RNF14: variants seen among roughly 807,000 people sequenced by gnomAD.
RNF14 encodes E3 ubiquitin-protein ligase RNF14.
RNF14 carries 26 observed loss-of-function variants against 52.6 expected under a neutral mutation model. That is an observed-to-expected ratio of 0.49 (90% confidence interval 0.36 to 0.69). The LOEUF (loss-of-function observed/expected upper bound fraction) is 0.69, where lower values mean the gene tolerates loss of function less well. Among genes scored for constraint, RNF14 ranks in the 30% least tolerant of loss-of-function variants. RNF14 has a pLI of 0.00. For synonymous variants in RNF14, 194 were observed against 202.0 expected, an observed-to-expected ratio of 0.96 and a Z score of 0.34; for missense variants, 404 against 560.4, an observed-to-expected ratio of 0.72 and a Z score of 2.82.
chr5:141,980,060 C>T (rs560307812), intron 5 of RNF14, 63 bp from the exon 6 acceptor site: 46 of 1,312,356 alleles, frequency 3.5e-5, no homozygotes, highest in Admixed American at 1.7e-4. Context: ...TCCTAAGAAT[C>T]GCCTCAGGTT....
At chr5:141,959,787 C>T (rs190351905) in intron 1 of RNF14, among the ~76,000 whole-genome samples, 37 of 152,240 alleles carry the variant, frequency 2.4e-4, no homozygotes, top group Non-Finnish European at 4.6e-4. Context: ...GGGCCACCTC[C>T]TACAGCATGG....
chr5:141,979,968 C>T (rs11741467), intron 5 of RNF14, among the ~76,000 whole-genome samples, 155 bp from the exon 6 acceptor site: 12,387 of 152,230 alleles, frequency 0.081, 561 homozygotes, highest in African/African-American at 0.096. Flanking sequence ...CTATAATTGT[C>T]ATCTCAGTCA....
chr5:141,953,491 G>A (rs1447413612), upstream of RNF14: 1 of 151,922 alleles, frequency 6.6e-6, no homozygotes, highest in African/African-American at 2.4e-5. Flanking sequence ...ACAGAAATTA[G>A]TGGGAGGGCT....
chr5:141,961,109 T>C (rs1233775214), intron 1 of RNF14, among the ~76,000 whole-genome samples: 7 of 152,362 alleles, frequency 4.6e-5, no homozygotes, highest in African/African-American at 1.2e-4. Context: ...GAAGGAGTTA[T>C]GGAATTCATG....
intron 6 of RNF14, 70 bp downstream of exon 6, chr5:141,980,421 C>G: frequency 9.0e-7 from 1 of 1,107,366 alleles, no homozygotes; most frequent in South Asian, 1.3e-5. Context: ...ACTACCAGGG[C>G]CTTATGACTT....
At chr5:141,979,688 AG>A (rs1303899384) in intron 5 of RNF14, among the ~76,000 whole-genome samples, 1 of 152,194 alleles carries the variant, frequency 6.6e-6, no homozygotes, top group African/African-American at 2.4e-5. Flanking sequence ...GCTTGAGGCT[AG>A]GGGTTTAAAA....
At chr5:141,957,492 A>G (rs749874529), upstream of RNF14, 4 of 1,613,764 alleles carry the variant, frequency 2.5e-6, no homozygotes, top group Non-Finnish European at 3.4e-6. The surrounding 1 kb of genome is among the most constrained non-coding windows in gnomAD (Gnocchi z 4.3). Flanking sequence ...GGATCTCCAC[A>G]TGGATCAGAG....
chr5:141,957,142 G>T, upstream of RNF14: 3 of 1,614,158 alleles, frequency 1.9e-6, no homozygotes, highest in Non-Finnish European at 2.5e-6. The surrounding 1 kb of genome is among the most constrained non-coding windows in gnomAD (Gnocchi z 4.3). Flanking sequence ...ATTGTCATTG[G>T]AGTCCAAGAC....
upstream of RNF14, among the ~76,000 whole-genome samples, chr5:141,965,355 G>A (rs918223684): frequency 6.6e-6 from 1 of 152,134 alleles, no homozygotes; most frequent in Non-Finnish European, 1.5e-5. Flanking sequence ...CCTGGGTCCC[G>A]ACCTCTGGTC....
At chr5:141,975,917 C>T (rs1434574163) in intron 4 of RNF14, among the ~76,000 whole-genome samples, 13 of 107,820 alleles carry the variant, frequency 1.2e-4, no homozygotes, top group Admixed American at 6.5e-4. Context: ...AGACAGAGAC[C>T]CTGTCTCAAA....
At chr5:141,956,318 A>G, upstream of RNF14, 1 of 1,614,162 alleles carries the variant, frequency 6.2e-7, no homozygotes, top group Non-Finnish European at 8.5e-7. Context: ...CCTGTGTTGG[A>G]GTCAATAGCT....
In RNF14 at chr5:141,974,812, A is replaced by G; in HGVS notation, c.163A>G (p.Asn55Asp). Residue 55 changes from asparagine to aspartate, a missense_variant, in exon 4 of 9, where the codon AAT (asparagine) becomes GAT (aspartate). Physicochemically the swap from Asn to Asp is conservative, Grantham distance 23 (BLOSUM62 1). Transcript: ENST00000394520. Reference protein sequence around the residue: ...NFKIFVSGNSNECLQNSGFEY... With the variant: ...NFKIFVSGNSDECLQNSGFEY... ...CTTTGTTTTTGGTTCAGGCAATTCA[A>G]ATGAGTGTCTCCAGAATAGTGGCTT... 4 of 1,613,874 alleles carry G rather than the reference A, an allele frequency of 2.5e-6. No individual in the cohort carries two copies. The highest frequency in any genetic ancestry group is 3.3e-5 in the Admixed American group (2 of 59,992).
upstream of RNF14, among the ~76,000 whole-genome samples, chr5:141,964,683 G>T (rs1561538762): frequency 6.6e-6 from 1 of 151,972 alleles, no homozygotes; most frequent in Non-Finnish European, 1.5e-5. Flanking sequence ...GTGCGATCTG[G>T]GCTCACCGCA....
At chr5:141,951,650 C>A in the RNF14 span, 1 of 1,230,234 alleles carries the variant, frequency 8.1e-7, no homozygotes, top group South Asian at 1.2e-5. Flanking sequence ...ACTTCCTCGC[C>A]GGATGTTTCC....
At chr5:141,960,333 G>T (rs1753258607) in intron 1 of RNF14, among the ~76,000 whole-genome samples, 1 of 152,256 alleles carries the variant, frequency 6.6e-6, no homozygotes, top group African/African-American at 2.4e-5. Context: ...GGGTCCGGGA[G>T]GCTCCTCATG....
chr5:141,983,669 C>A, intron 7 of RNF14, 117 bp downstream of exon 7: 1 of 838,018 alleles, frequency 1.2e-6, no homozygotes, highest in Non-Finnish European at 1.8e-6. Flanking sequence ...TATTATTACA[C>A]CTTCTTACGT....
chr5:141,957,720 T>A, upstream of RNF14: 1 of 1,614,076 alleles, frequency 6.2e-7, no homozygotes. This position sits in a 1 kb window ranked among gnomAD's most constrained non-coding sequence, Gnocchi z 4.3. Flanking sequence ...TCCCGATCAC[T>A]GTACCAGATG....
At chr5:141,987,071 G>A (rs553581354) in intron 8 of RNF14, among the ~76,000 whole-genome samples, 18 of 152,324 alleles carry the variant, frequency 1.2e-4, no homozygotes, top group African/African-American at 4.3e-4. Context: ...CAAAACTGCA[G>A]AAGGGAGGGG....
upstream of RNF14, chr5:141,956,492 T>C (rs1191649236): frequency 1.2e-6 from 2 of 1,614,128 alleles, no homozygotes; most frequent in Admixed American, 3.3e-5. Flanking sequence ...GCATTGTCGT[T>C]GATGTCACTG....
Sources: allele counts gnomAD v4.1 joint callset (sites outside exome capture counted in the v4.1 genomes callset), GRCh38; gene constraint gnomAD v4.1.1; non-coding constraint Gnocchi (gnomAD v3.1); transcripts MANE v1.5; gene names NCBI Gene and HGNC (gene_info 2026-07-23, HGNC 2026-07-21).